IGDCC3: variants seen among roughly 807,000 people sequenced by gnomAD.
IGDCC3 encodes putative neuronal cell adhesion molecule.
IGDCC3 carries 47 observed loss-of-function variants against 72.0 expected under a neutral mutation model. The ratio of observed to expected loss-of-function variants is 0.65; its 90% confidence interval spans 0.52 to 0.83. The LOEUF (loss-of-function observed/expected upper bound fraction) is 0.83. Among genes scored for constraint, IGDCC3 ranks in the 40% least tolerant of loss-of-function variants. The pLI is 0.00. For missense variants in IGDCC3, 1,038 were observed against 1,091.3 expected (o/e 0.95, Z 0.69); for synonymous variants, 477 against 472.8 (o/e 1.01, Z -0.11).
intron 2 of IGDCC3, among the ~76,000 whole-genome samples, chr15:65,340,323 G>A (rs527708472): frequency 6.3e-4 from 96 of 152,270 alleles, no homozygotes; most frequent in Middle Eastern, 3.4e-3. Context: ...TAGAGTGCTG[G>A]GAAGGAAGCT....
Position 65,331,572 on chromosome 15 carries a change from A to G in IGDCC3, c.1236T>C (p.Ser412=). 1 of 1,613,708 alleles carries G rather than the reference A, an allele frequency of 6.2e-7. No individual in the cohort carries two copies. The highest frequency in any genetic ancestry group is 2.2e-5 in the East Asian group (1 of 44,868). ...AENSAGSSQA[S]ARLTVLWAEG... is the part of the protein sequence containing the mutation. Reference sequence around the variant, plus strand: ...CAGCCCACAGTACGGTCAGCCTGGCACTGGCCTGTGATGAGCCCGCACTGT... The same window carrying G: ...CAGCCCACAGTACGGTCAGCCTGGCGCTGGCCTGTGATGAGCCCGCACTGT... The change falls in exon 8 of 14, where the codon AGT becomes AGC. Residue 412 remains serine, a synonymous_variant. Transcript: ENST00000327987.
intron 3 of IGDCC3, 26 bp from the exon 4 acceptor site, chr15:65,335,447 C>T: frequency 1.3e-6 from 2 of 1,591,528 alleles, no homozygotes; most frequent in Non-Finnish European, 1.7e-6. Context: ...ACATAGTTGG[C>T]CACCAGCACA....
At chr15:65,344,882 G>GTGCCC (rs2091113465) in intron 2 of IGDCC3, among the ~76,000 whole-genome samples, 1 of 149,920 alleles carries the variant, frequency 6.7e-6, no homozygotes, top group Admixed American at 6.6e-5. Context: ...GGACTGGGGG[G>GTGCCC]TGCCCTGCCC....
rs1413607872 is a variant in IGDCC3, at chr15:65,329,439, T to C, written c.2156A>G (p.Gln719Arg). The C allele has an allele frequency of 2.5e-6, 4 of 1,607,604 alleles. No homozygotes were observed. The Admixed American group carries it at 6.9e-5, about 28-fold the overall frequency. The change falls in exon 13 of 14, where the codon CAG (glutamine) becomes CGG (arginine). Residue 719 changes from glutamine (Q) to arginine (R), a missense_variant. Physicochemically the swap from Gln to Arg is conservative, Grantham distance 43. Coordinates refer to ENST00000327987, the MANE Select transcript of IGDCC3 (RefSeq NM_004884.4). This position sits in a 1 kb window ranked among gnomAD's most constrained non-coding sequence, Gnocchi z 4.1. Reference sequence around the variant, plus strand: ...TGCTGCGCTGGCCGGGGGGAACAGCTGCTCCAGCTCCTTCATATCCACACG... The same window carrying C: ...TGCTGCGCTGGCCGGGGGGAACAGCCGCTCCAGCTCCTTCATATCCACACG... ...EKRVDMKELE[Q>R]LFPPASAAGQ...
intron 1 of IGDCC3, among the ~76,000 whole-genome samples, chr15:65,376,738 G>T (rs895462470): frequency 6.6e-6 from 1 of 152,202 alleles, no homozygotes; most frequent in Non-Finnish European, 1.5e-5. Context: ...TCCAACCCTG[G>T]TATAGCTGTC....
chr15:65,361,510 C>G (rs2091261380), intron 2 of IGDCC3, among the ~76,000 whole-genome samples: 1 of 151,920 alleles, frequency 6.6e-6, no homozygotes, highest in African/African-American at 2.4e-5. Flanking sequence ...CCCTCAAGCC[C>G]CCCAACTCCA....
At position 65,377,888 on chromosome 15, in the gene IGDCC3, C is replaced by T. The variant is rs1043714894; in HGVS notation, c.-100G>A. 9.9e-7 allele frequency: 1 copy of T among 1,009,328 alleles called. No individual in the cohort carries two copies. The highest frequency in any genetic ancestry group is 4.6e-5 in the South Asian group (1 of 21,946). The allele number at this position is 1,009,328 out of a possible 1,614,324, so 62.5% of individuals were successfully genotyped here. On this transcript the variant is annotated 5_prime_UTR_variant, in exon 1 of 14. Transcript: ENST00000327987. This position sits in a 1 kb window ranked among gnomAD's most constrained non-coding sequence, Gnocchi z 4.9. ...GGCGCCGGGGCCGGGGCTGGGGCTC[C>T]GGCCGGGGCCGAGCCCAGGCGGTGG...
At position 65,329,314 on chromosome 15, in the gene IGDCC3, G is replaced by C; in HGVS notation, c.2205+76C>G. The C allele has an allele frequency of 6.7e-7, 1 of 1,491,260 alleles. No homozygotes were observed. Among genetic ancestry groups the C allele is most frequent in the Non-Finnish European group, 9.1e-7 (1 of 1,102,412 alleles). 92.4% of individuals were successfully genotyped at this position (1,491,260 alleles called of 1,614,324 possible). ...GCCAATGATCGAGGCCCGTGGCCAA[G>C]GTGAAGGGGGGCAGGATTGGAAGGT... On this transcript the variant is annotated intron_variant, in intron 13 of 13. Coordinates refer to ENST00000327987, the MANE Select transcript of IGDCC3 (RefSeq NM_004884.4). The surrounding 1 kb of genome is among the most constrained non-coding windows in gnomAD (Gnocchi z 4.1).
At chr15:65,332,141 A>T in intron 6 of IGDCC3, 35 bp from the exon 7 acceptor site, 1 of 1,599,142 alleles carries the variant, frequency 6.3e-7, no homozygotes, top group South Asian at 1.1e-5. Context: ...GGGCGCAGAC[A>T]GACACAGCTG....
intron 2 of IGDCC3, among the ~76,000 whole-genome samples, chr15:65,355,156 G>A (rs965167504): frequency 6.6e-6 from 1 of 152,178 alleles, no homozygotes; most frequent in Non-Finnish European, 1.5e-5. Flanking sequence ...TGGGGCGGGT[G>A]GGGGAGCCTG....
intron 2 of IGDCC3, among the ~76,000 whole-genome samples, chr15:65,354,326 G>A (rs1404059197): frequency 6.6e-6 from 1 of 152,110 alleles, no homozygotes; most frequent in East Asian, 1.9e-4. Context: ...TAACACATCC[G>A]TAAAAGGACA....
chr15:65,372,082 C>A (rs1426660970), intron 2 of IGDCC3, among the ~76,000 whole-genome samples: 3 of 152,186 alleles, frequency 2.0e-5, no homozygotes, highest in Non-Finnish European at 4.4e-5. Context: ...TGGAGATTAA[C>A]CTCCATGGGC....
chr15:65,364,652 T>C (rs2140166923), intron 2 of IGDCC3, among the ~76,000 whole-genome samples: 1 of 151,210 alleles, frequency 6.6e-6, no homozygotes, highest in Non-Finnish European at 1.5e-5. Flanking sequence ...TTTGGGAGGG[T>C]GAGGTGGGAG....
At chr15:65,347,817 G>A (rs995568851) in intron 2 of IGDCC3, among the ~76,000 whole-genome samples, 44 of 152,134 alleles carry the variant, frequency 2.9e-4, no homozygotes, top group African/African-American at 9.9e-4. Flanking sequence ...TGTAATCCCA[G>A]CCACTTGGGA....
Position 65,331,039 on chromosome 15 carries a change from C to T in IGDCC3, c.1561+11G>A. On this transcript the variant is annotated intron_variant, in intron 9 of 13. Coordinates refer to ENST00000327987, the MANE Select transcript of IGDCC3 (RefSeq NM_004884.4). Reference sequence around the variant, plus strand: ...GTGCCTGTGGTTTTGTGCTCCACACCCAGGCCTCACCTTCACCCAGGGTGC... The same window carrying T: ...GTGCCTGTGGTTTTGTGCTCCACACTCAGGCCTCACCTTCACCCAGGGTGC... 6.2e-7 allele frequency: 1 copy of T among 1,612,502 alleles called. No individual in the cohort carries two copies. The highest frequency in any genetic ancestry group is 8.5e-7 in the Non-Finnish European group (1 of 1,179,246).
intron 2 of IGDCC3, among the ~76,000 whole-genome samples, chr15:65,340,323 G>C (rs527708472): frequency 6.6e-6 from 1 of 152,152 alleles, no homozygotes; most frequent in South Asian, 2.1e-4. Flanking sequence ...TAGAGTGCTG[G>C]GAAGGAAGCT....
At chr15:65,346,462 T>C (rs1467158004) in intron 2 of IGDCC3, among the ~76,000 whole-genome samples, 4 of 120,320 alleles carry the variant, frequency 3.3e-5, no homozygotes, top group Non-Finnish European at 6.9e-5. Flanking sequence ...GAGACTCAGC[T>C]CTTTTTTTTT....
chr15:65,355,830 G>A (rs953092155), intron 2 of IGDCC3: 7 of 434,158 alleles, frequency 1.6e-5, no homozygotes, highest in Non-Finnish European at 3.3e-5. Flanking sequence ...ATGTCGCTGG[G>A]GCGAGCGAGG....
chr15:65,367,799 G>C (rs1382485447), intron 2 of IGDCC3, among the ~76,000 whole-genome samples: 1 of 152,116 alleles, frequency 6.6e-6, no homozygotes, highest in Non-Finnish European at 1.5e-5. Context: ...TACTGCTCAA[G>C]GGAAGAGGGA....
Sources: allele counts gnomAD v4.1 joint callset (sites outside exome capture counted in the v4.1 genomes callset), GRCh38; gene constraint gnomAD v4.1.1; non-coding constraint Gnocchi (gnomAD v3.1); transcripts MANE v1.5; gene names NCBI Gene and HGNC (gene_info 2026-07-23, HGNC 2026-07-21).